The following SLC5A1 variants were observed in gnomAD, a reference collection of about 807,000 sequenced individuals.
SLC5A1 encodes solute carrier family 5 member 1, also known as sodium/glucose cotransporter 1.
A neutral mutation model predicts 73.5 loss-of-function variants in SLC5A1; 42 were observed. The ratio of observed to expected loss-of-function variants is 0.57; its 90% CI spans 0.45 to 0.74. The LOEUF is 0.74. Ranked by LOEUF, SLC5A1 falls within the 30% of genes least tolerant of loss-of-function variation. The pLI is 0.00. For missense variants in SLC5A1, 634 were observed against 855.4 expected, an observed-to-expected ratio of 0.74 and a Z score of 3.23; for synonymous variants, 300 against 317.4, an observed-to-expected ratio of 0.95 and a Z score of 0.58.
At chr22:32,079,876 A>G (rs953458384) in intron 5 of SLC5A1, among the ~76,000 whole-genome samples, 1 of 152,170 alleles carries the variant, frequency 6.6e-6, no homozygotes, top group African/African-American at 2.4e-5. Flanking sequence ...GGCAAGACTT[A>G]TGCACAGCAG....
intron 11 of SLC5A1, 68 bp from the exon 12 acceptor site, chr22:32,099,105 AATATATATAT>A (rs765568860): frequency 0.014 from 784 of 57,574 alleles, 16 homozygotes; most frequent in African/African-American, 0.02. Flanking sequence ...AAAAAAAAAA[AATATATATAT>A]ATATATATAT....
At chr22:32,093,650 C>T (rs979717772) in intron 11 of SLC5A1, among the ~76,000 whole-genome samples, 36 of 151,776 alleles carry the variant, frequency 2.4e-4, no homozygotes, top group African/African-American at 8.7e-4. Flanking sequence ...AGCTTGGTCA[C>T]TGTTGATGTA....
At chr22:32,066,126 CTTTTT>C (rs1364403477) in intron 2 of SLC5A1, among the ~76,000 whole-genome samples, 3 of 152,154 alleles carry the variant, frequency 2.0e-5, no homozygotes, top group Non-Finnish European at 4.4e-5. Context: ...CTGATACTTT[CTTTTT>C]TTGTCTACCA....
rs563761840 is a variant in SLC5A1 at position 32,070,000 on chromosome 22, T to C, written c.477+1400T>C. The stretch of plus-strand genomic sequence containing the variant: ...ATCAGCTCTGTGGGCCTTTAATTGC[T>C]AACTCTCTGGGGGATGTTTACTCTT... On this transcript the variant is annotated intron_variant, in intron 5 of 14. Transcript: ENST00000266088. 3.5e-3 allele frequency among the ~76,000 whole-genome samples: 533 copies of C among 152,228 alleles called. 6 individuals carry two copies. The highest frequency in any genetic ancestry group is 0.012 in the African/African-American group (518 of 41,532).
At chr22:32,050,554 T>C (rs1219950604) in intron 2 of SLC5A1, among the ~76,000 whole-genome samples, 1 of 152,050 alleles carries the variant, frequency 6.6e-6, no homozygotes, top group Non-Finnish European at 1.5e-5. Context: ...GAAAACATAC[T>C]GGATAGAGGA....
chr22:32,096,383 T>A (rs893144757), intron 11 of SLC5A1, among the ~76,000 whole-genome samples: 1 of 152,180 alleles, frequency 6.6e-6, no homozygotes, highest in African/African-American at 2.4e-5. Context: ...TGCAGCCAAC[T>A]GAGCCCTTGT....
intron 14 of SLC5A1, among the ~76,000 whole-genome samples, chr22:32,109,079 G>A (rs1034141790): frequency 6.6e-6 from 1 of 152,054 alleles, no homozygotes; most frequent in Non-Finnish European, 1.5e-5. Context: ...AGACCGAGGT[G>A]GGGGGGATCA....
intron 14 of SLC5A1, among the ~76,000 whole-genome samples, 183 bp downstream of exon 14, chr22:32,105,074 G>A (rs1370508422): frequency 6.6e-6 from 1 of 152,078 alleles, no homozygotes; most frequent in Non-Finnish European, 1.5e-5. Context: ...TGAGTTCAAG[G>A]GAAAGAAAGG....
At chr22:32,065,576 T>G (rs2093971399) in intron 2 of SLC5A1, among the ~76,000 whole-genome samples, 1 of 152,236 alleles carries the variant, frequency 6.6e-6, no homozygotes, top group African/African-American at 2.4e-5. Flanking sequence ...ATGTTTACAG[T>G]ATTTGAATAT....
chr22:32,079,123 AAAACAAAC>A (rs199677262), intron 5 of SLC5A1, among the ~76,000 whole-genome samples: 14 of 152,168 alleles, frequency 9.2e-5, no homozygotes, highest in Admixed American at 5.9e-4. Context: ...TGAAGAAAAG[AAAACAAAC>A]AAACAAACAA....
intron 2 of SLC5A1, among the ~76,000 whole-genome samples, chr22:32,056,752 T>C (rs1179853665): frequency 6.6e-6 from 1 of 152,168 alleles, no homozygotes; most frequent in African/African-American, 2.4e-5. Flanking sequence ...GGGTCTTAGA[T>C]GGTTTGTTAA....
At chr22:32,054,885 G>A (rs1176877106) in intron 2 of SLC5A1, among the ~76,000 whole-genome samples, 1 of 152,056 alleles carries the variant, frequency 6.6e-6, no homozygotes, top group Non-Finnish European at 1.5e-5. Context: ...ATGTTGGCCG[G>A]GCTGGTCTTG....
At chr22:32,060,533 A>G (rs1260098904) in intron 2 of SLC5A1, among the ~76,000 whole-genome samples, 3 of 152,034 alleles carry the variant, frequency 2.0e-5, no homozygotes, top group Admixed American at 6.6e-5. Context: ...TAAGCAGGGA[A>G]TTTTGGAGAG....
intron 9 of SLC5A1, 117 bp from the exon 10 acceptor site, chr22:32,086,103 T>G: frequency 2.8e-6 from 2 of 716,098 alleles, no homozygotes; most frequent in Non-Finnish European, 2.6e-6. Flanking sequence ...ATCGTGCCAC[T>G]GCACTCCAGC....
chr22:32,100,747 G>A (rs1437797778), intron 12 of SLC5A1, among the ~76,000 whole-genome samples: 1 of 152,048 alleles, frequency 6.6e-6, no homozygotes, highest in Admixed American at 6.6e-5. Context: ...TAGTGCATGG[G>A]GGATGAATAG....
At chr22:32,051,719 CCAA>C (rs894944504) in intron 2 of SLC5A1, among the ~76,000 whole-genome samples, 7 of 152,144 alleles carry the variant, frequency 4.6e-5, no homozygotes, top group South Asian at 4.2e-4. Flanking sequence ...AATCCCAAAC[CCAA>C]CAACAACAAA....
intron 11 of SLC5A1, 115 bp downstream of exon 11, chr22:32,091,877 C>T: frequency 1.0e-6 from 1 of 996,520 alleles, no homozygotes; most frequent in Non-Finnish European, 1.6e-6. Context: ...GGAATAATTT[C>T]TGTGGCTGGT....
At chr22:32,074,716 T>C (rs1349571418) in intron 5 of SLC5A1, among the ~76,000 whole-genome samples, 1 of 152,208 alleles carries the variant, frequency 6.6e-6, no homozygotes, top group African/African-American at 2.4e-5. Flanking sequence ...GTGGAGGCCA[T>C]GACCAACATT....
At chr22:32,101,977 G>A (rs1363331757) in intron 12 of SLC5A1, 45 bp from the exon 13 acceptor site, 1 of 1,447,764 alleles carries the variant, frequency 6.9e-7, no homozygotes, top group Non-Finnish European at 9.7e-7. Context: ...AAGGCCATCT[G>A]TTTTGTGTGT....
Sources: gnomAD v4.1 joint callset for allele counts (sites outside exome capture counted in the v4.1 genomes callset) on GRCh38, gnomAD v4.1.1 for gene constraint, MANE v1.5 for transcripts, NCBI Gene and HGNC (gene_info 2026-07-23, HGNC 2026-07-21) for gene names.